Variants in DIAPH2 observed in about 807,000 individuals in gnomAD.
DIAPH2 encodes diaphanous related formin 2, also known as protein diaphanous homolog 2.
DIAPH2 carries 35 observed loss-of-function variants against 92.7 expected under a neutral mutation model. That is an observed-to-expected ratio of 0.38 (90% CI 0.29 to 0.50). The LOEUF (loss-of-function observed/expected upper bound fraction) is 0.50. Among genes scored for constraint, DIAPH2 ranks in the 20% least tolerant of loss-of-function variants. The pLI is 0.94. For synonymous variants in DIAPH2, 301 were observed against 280.4 expected (o/e 1.07, Z -0.73); for missense variants, 701 against 819.5 (o/e 0.86, Z 1.77).
At chrX:97,487,132 C>T (rs2070694406) in intron 26 of DIAPH2, among the ~76,000 whole-genome samples, 2 of 112,190 alleles carry the variant, frequency 1.8e-5, no homozygotes, top group South Asian at 3.7e-4. Flanking sequence ...TTCCATTGTA[C>T]GTACATACCA....
intron 1 of DIAPH2, among the ~76,000 whole-genome samples, chrX:96,687,417 A>G (rs2063776705): frequency 9.0e-6 from 1 of 111,188 alleles, no homozygotes; most frequent in South Asian, 3.7e-4. Context: ...TTCTGGAAAA[A>G]TGGAAATGGA....
At chrX:96,854,137 A>G (rs751062838) in intron 4 of DIAPH2, among the ~76,000 whole-genome samples, 2 of 111,309 alleles carry the variant, frequency 1.8e-5, no homozygotes, top group Admixed American at 1.9e-4. Context: ...TACTCATTTA[A>G]ATCCAAAGCT....
intron 3 of DIAPH2, among the ~76,000 whole-genome samples, chrX:96,749,141 A>ATATAT (rs1328474233): frequency 2.5e-5 from 2 of 79,103 alleles, no homozygotes; most frequent in African/African-American, 1.1e-4. Flanking sequence ...AAAAAAAAAA[A>ATATAT]AAAAATATAT....
chrX:97,034,896 C>T (rs1374601932), intron 17 of DIAPH2, among the ~76,000 whole-genome samples: 1 of 111,522 alleles, frequency 9.0e-6, no homozygotes, highest in Non-Finnish European at 1.9e-5. Context: ...CTTCTCAAAC[C>T]TTGTCAGATA....
At chrX:96,858,280 G>T (rs1203186238) in intron 4 of DIAPH2, among the ~76,000 whole-genome samples, 1 of 112,023 alleles carries the variant, frequency 8.9e-6, no homozygotes, top group African/African-American at 3.2e-5. Context: ...TGTGAACACT[G>T]ATGTAGTGGC....
intron 1 of DIAPH2, among the ~76,000 whole-genome samples, chrX:96,718,336 GTTT>G (rs962776012): frequency 2.4e-3 from 26 of 10,983 alleles, no homozygotes; most frequent in East Asian, 7.0e-3. Flanking sequence ...CATTTTCTTT[GTTT>G]TTTTTTTTTT....
intron 25 of DIAPH2, among the ~76,000 whole-genome samples, chrX:97,398,770 C>A (rs2069727374): frequency 1.1e-5 from 1 of 93,910 alleles, no homozygotes; most frequent in African/African-American, 4.1e-5. Context: ...GTGATGGAGT[C>A]TTGCTCTGTC....
chrX:97,368,899 CT>C (rs386417287), intron 24 of DIAPH2, among the ~76,000 whole-genome samples: 58 of 52,070 alleles, frequency 1.1e-3, no homozygotes, highest in African/African-American at 4.1e-3. Flanking sequence ...TCTACCCTTT[CT>C]TTTTTTTTTT....
At chrX:97,088,944 G>T (rs2066803532) in intron 19 of DIAPH2, among the ~76,000 whole-genome samples, 1 of 110,743 alleles carries the variant, frequency 9.0e-6, no homozygotes, top group Non-Finnish European at 1.9e-5. Context: ...AATACTGATG[G>T]TCTTCATTAG....
At chrX:96,897,442 A>T (rs959736206) in intron 5 of DIAPH2, among the ~76,000 whole-genome samples, 1 of 111,070 alleles carries the variant, frequency 9.0e-6, no homozygotes, top group Non-Finnish European at 1.9e-5. Flanking sequence ...CAAGTTTTAC[A>T]AAGTCAAAGT....
intron 22 of DIAPH2, among the ~76,000 whole-genome samples, chrX:97,203,952 C>T (rs1175711161): frequency 8.9e-6 from 1 of 112,061 alleles, no homozygotes; most frequent in East Asian, 2.8e-4. Flanking sequence ...AATCCAGCAG[C>T]ACATGAAAAA....
chrX:97,380,905 G>T (rs1270835846), intron 24 of DIAPH2, among the ~76,000 whole-genome samples: 2 of 110,972 alleles, frequency 1.8e-5, no homozygotes, highest in African/African-American at 6.5e-5. Context: ...TTCTGTTTTG[G>T]CCTCTTAAAG....
Position 96,916,447 on chromosome X carries a change from C to G in DIAPH2, c.742C>G (p.Gln248Glu), listed in dbSNP as rs935630992. Residue 248 changes from glutamine (Q) to glutamate (E), a missense_variant, in exon 8 of 27, where the codon CAA becomes GAA. Around this residue, in one of 3 missense-constraint regions of DIAPH2, gnomAD observed 34 missense variants for 74.7 expected, o/e 0.46. Coordinates refer to ENST00000324765, the MANE Select transcript of DIAPH2 (RefSeq NM_006729.5). ...KAFMNNKFGL[Q>E]RILGDERSLL... Reference sequence around the variant, plus strand: ...TTTTTTTTTTTTTTAGTTTGGATTACAAAGGATTCTAGGAGATGAAAGAAG... The same window carrying G: ...TTTTTTTTTTTTTTAGTTTGGATTAGAAAGGATTCTAGGAGATGAAAGAAG... 2.3e-5 allele frequency: 19 copies of G among 820,386 alleles called. No homozygotes were observed. The Admixed American group carries it at 5.9e-4, about 26-fold the overall frequency. The allele number at this position is 820,386 out of a possible 1,213,427, so 67.6% of individuals were successfully genotyped here.
intron 25 of DIAPH2, among the ~76,000 whole-genome samples, chrX:97,408,518 A>C: frequency 9.0e-6 from 1 of 111,514 alleles, no homozygotes; most frequent in Non-Finnish European, 1.9e-5. Context: ...TCTTTTACGA[A>C]GTAAAGTATG....
At chrX:97,383,617 A>G (rs901254376) in intron 24 of DIAPH2, among the ~76,000 whole-genome samples, 3 of 106,616 alleles carry the variant, frequency 2.8e-5, no homozygotes, top group African/African-American at 1.0e-4. Flanking sequence ...GATAATGGCA[A>G]TTGAAGACTG....
intron 25 of DIAPH2, among the ~76,000 whole-genome samples, chrX:97,386,264 GA>G (rs1368454195): frequency 8.9e-6 from 1 of 112,057 alleles, no homozygotes; most frequent in African/African-American, 3.2e-5. Flanking sequence ...TTAGAATCAG[GA>G]AAACTGGTCA....
At chrX:97,316,548 C>T (rs1259098165) in intron 23 of DIAPH2, among the ~76,000 whole-genome samples, 3 of 108,342 alleles carry the variant, frequency 2.8e-5, no homozygotes, top group African/African-American at 1.0e-4. Flanking sequence ...CCCAGCTACT[C>T]GGGAGGCTGA....
chrX:96,981,686 G>A (rs1463328007), intron 17 of DIAPH2, among the ~76,000 whole-genome samples: 1 of 111,732 alleles, frequency 8.9e-6, no homozygotes, highest in Non-Finnish European at 1.9e-5. Flanking sequence ...GGGTGATTCC[G>A]TAGCCTACAT....
Position 97,293,390 on chromosome X carries a change from T to C in DIAPH2, c.2844+45551T>C, listed in dbSNP as rs370932719. ...GCCTCAGCCTCCCGAGTAGCTGGGA[T>C]TACAGGCATGCACCACCAGGCCCAG... On this transcript the variant is annotated intron_variant, in intron 23 of 26. Coordinates refer to ENST00000324765, the MANE Select transcript of DIAPH2 (RefSeq NM_006729.5). 5.1e-4 allele frequency among the ~76,000 whole-genome samples: 55 copies of C among 108,900 alleles called. No individual in the cohort carries two copies. The East Asian group carries it at 6.4e-3, about 13-fold the overall frequency. The allele number at this position is 108,900 out of a possible 115,157, so 94.6% of individuals were successfully genotyped here. A position where few individuals can be genotyped will look rare whatever the true frequency, so the allele number is the denominator to read the frequency against.
Sources: gnomAD v4.1 joint callset for allele counts (sites outside exome capture counted in the v4.1 genomes callset) on GRCh38, gnomAD v4.1.1 for gene constraint, gnomAD v4.1.1 regional missense constraint, MANE v1.5 for transcripts, NCBI Gene and HGNC (gene_info 2026-07-23, HGNC 2026-07-21) for gene names.